Variants in CUBN observed in about 807,000 individuals in gnomAD.
CUBN encodes 460 kDa receptor.
Under a neutral mutation model 405.3 loss-of-function variants are expected in CUBN, and 282 were observed. The ratio of observed to expected loss-of-function variants is 0.70; its 90% CI spans 0.63 to 0.77. The LOEUF (loss-of-function observed/expected upper bound fraction) is 0.77, where lower values mean the gene tolerates loss of function less well. Ranked by LOEUF, CUBN falls within the 30% of genes least tolerant of loss-of-function variation. The pLI is 0.00. For missense variants in CUBN, 4,514 were observed against 4,475.2 expected (o/e 1.01, Z -0.25); for synonymous variants, 1,684 against 1,617.0 (o/e 1.04, Z -0.99).
chr10:16,919,242 A>G (rs1841969907), intron 44 of CUBN, among the ~76,000 whole-genome samples: 1 of 152,248 alleles, frequency 6.6e-6, no homozygotes, highest in African/African-American at 2.4e-5. Context: ...CCATAAAAGT[A>G]GATAAGCATG....
chr10:17,082,504 G>T (rs751288161), intron 17 of CUBN, among the ~76,000 whole-genome samples: 2 of 152,136 alleles, frequency 1.3e-5, no homozygotes, highest in African/African-American at 2.4e-5. Context: ...ACCATTCAGA[G>T]GTACTGATAG....
chr10:16,894,524 T>C (rs1002293893), intron 54 of CUBN, among the ~76,000 whole-genome samples: 1 of 152,214 alleles, frequency 6.6e-6, no homozygotes, highest in Non-Finnish European at 1.5e-5. Context: ...GATGTTTGTG[T>C]GAGTGTATTT....
intron 59 of CUBN, among the ~76,000 whole-genome samples, chr10:16,862,717 C>A (rs1482971024): frequency 6.6e-6 from 1 of 152,148 alleles, no homozygotes; most frequent in African/African-American, 2.4e-5. Context: ...CCAGGCTGAT[C>A]TGAGTAAGGA....
intron 47 of CUBN, among the ~76,000 whole-genome samples, 161 bp downstream of exon 47, chr10:16,914,871 A>G (rs1841838325): frequency 6.6e-6 from 1 of 152,184 alleles, no homozygotes; most frequent in Non-Finnish European, 1.5e-5. Context: ...CATTGATCAC[A>G]GCTGTAATTT....
At chr10:16,927,001 C>T (rs565903876) in intron 41 of CUBN, among the ~76,000 whole-genome samples, 159 of 152,038 alleles carry the variant, frequency 1.0e-3, no homozygotes, top group African/African-American at 3.3e-3. Context: ...ACTTCTGAGT[C>T]TCCAAAGTCC....
chr10:16,918,898 T>A, intron 44 of CUBN, 98 bp from the exon 45 acceptor site: 1 of 1,120,498 alleles, frequency 8.9e-7, no homozygotes, highest in Non-Finnish European at 1.3e-6. Context: ...TATTAAATCA[T>A]CATTTCTTAG....
chr10:16,863,044 C>A (rs1236640847), intron 59 of CUBN, among the ~76,000 whole-genome samples: 1 of 152,168 alleles, frequency 6.6e-6, no homozygotes, highest in Non-Finnish European at 1.5e-5. Context: ...TTATTAAGAA[C>A]CTTTCCTTTC....
At chr10:17,010,371 T>G (rs1834147996) in intron 28 of CUBN, among the ~76,000 whole-genome samples, 1 of 152,138 alleles carries the variant, frequency 6.6e-6, no homozygotes, top group Non-Finnish European at 1.5e-5. Context: ...CCAGGTGCAG[T>G]GGCTCACACC....
chr10:16,968,708 GAAGA>G (rs1222744223), intron 31 of CUBN, among the ~76,000 whole-genome samples: 2 of 152,216 alleles, frequency 1.3e-5, no homozygotes, highest in African/African-American at 4.8e-5. Flanking sequence ...CGAAGACTTA[GAAGA>G]AAGGCTCTAA....
chr10:17,013,450 T>C (rs927048885), intron 28 of CUBN, among the ~76,000 whole-genome samples: 2 of 152,070 alleles, frequency 1.3e-5, no homozygotes, highest in Non-Finnish European at 2.9e-5. Context: ...GTCTCTTTCT[T>C]TCCTTTCTGC....
rs766657231 is a variant in CUBN at position 16,933,200 on chromosome 10, A to C, written c.6011T>G (p.Val2004Gly). 7.5e-5 allele frequency: 121 copies of C among 1,613,770 alleles called. No individual in the cohort carries two copies. The highest frequency in any genetic ancestry group is 9.2e-5 in the Non-Finnish European group (108 of 1,179,914). ...PGWPDSYSNRVDCTWLIQAPD... is the reference protein window; with the variant it reads ...PGWPDSYSNRGDCTWLIQAPD... ...AGCCTGGATGAGCCACGTACAGTCC[A>C]CTCTATTACTGTAACTGTCAGGCCA... Residue 2004 changes from valine (V) to glycine (G), a missense_variant, in exon 40 of 67, where the codon GTG becomes GGG. Around this residue, in one of 5 missense-constraint regions of CUBN, gnomAD observed 1,613 missense variants for 1,542.8 expected, o/e 1.05. Coordinates refer to ENST00000377833, the MANE Select transcript of CUBN (RefSeq NM_001081.4).
At chr10:16,956,886 T>A (rs1843080684) in intron 31 of CUBN, among the ~76,000 whole-genome samples, 2 of 152,156 alleles carry the variant, frequency 1.3e-5, no homozygotes, top group African/African-American at 4.8e-5. Context: ...TTTATTTTGG[T>A]TTTAAGTGAT....
At chr10:16,901,744 T>C (rs958418023) in intron 51 of CUBN, among the ~76,000 whole-genome samples, 4 of 151,104 alleles carry the variant, frequency 2.6e-5, no homozygotes, top group Non-Finnish European at 4.4e-5. Context: ...ATCCCAGGTA[T>C]TCAGGAGGCT....
intron 54 of CUBN, among the ~76,000 whole-genome samples, chr10:16,897,253 G>A (rs1468037076): frequency 6.6e-6 from 1 of 152,096 alleles, no homozygotes; most frequent in Non-Finnish European, 1.5e-5. Context: ...TATTATGTTA[G>A]GGAACTTTGG....
At position 17,027,100 on chromosome 10, in the gene CUBN, G is replaced by A. The variant is rs118120326; in HGVS notation, c.4018-7117C>T. ...GGCTAGTTGCTGTCTGCTCTTACTA[G>A]AATTTACATTTTTATTCTGCTTTCT... On this transcript the variant is annotated intron_variant, in intron 27 of 66. Coordinates refer to ENST00000377833, the MANE Select transcript of CUBN (RefSeq NM_001081.4). 3.7e-4 allele frequency among the ~76,000 whole-genome samples: 56 copies of A among 152,292 alleles called. 1 individual carries two copies. The East Asian group carries it at 0.01, about 28-fold the overall frequency.
At chr10:17,103,324 G>A in intron 12 of CUBN, 87 bp from the exon 13 acceptor site, 1 of 798,816 alleles carries the variant, frequency 1.3e-6, no homozygotes. Context: ...GATAAACTTA[G>A]AGAAAATTTG....
intron 52 of CUBN, among the ~76,000 whole-genome samples, 161 bp from the exon 53 acceptor site, chr10:16,901,011 G>A (rs936911601): frequency 6.6e-6 from 1 of 151,398 alleles, no homozygotes; most frequent in East Asian, 1.9e-4. Flanking sequence ...CTTATTGAAG[G>A]TTCTCTTGGA....
At chr10:16,887,585 A>G (rs1354083629) in intron 56 of CUBN, among the ~76,000 whole-genome samples, 1 of 152,238 alleles carries the variant, frequency 6.6e-6, no homozygotes, top group Non-Finnish European at 1.5e-5. Context: ...TTTGGCAAGG[A>G]TGTGGAGAAA....
At chr10:16,958,913 AG>A (rs1182298251) in intron 31 of CUBN, among the ~76,000 whole-genome samples, 4 of 152,236 alleles carry the variant, frequency 2.6e-5, no homozygotes, top group Non-Finnish European at 4.4e-5. Flanking sequence ...GGGAAGTCCA[AG>A]AACAAGCTGC....
Sources: allele counts gnomAD v4.1 joint callset (sites outside exome capture counted in the v4.1 genomes callset), GRCh38; gene constraint gnomAD v4.1.1; regional missense constraint gnomAD v4.1.1; transcripts MANE v1.5; gene names NCBI Gene and HGNC (gene_info 2026-07-23, HGNC 2026-07-21).